The following YLPM1 variants were observed in gnomAD, a reference collection of about 807,000 sequenced individuals.
The protein encoded by YLPM1 is YLP motif containing 1.
In YLPM1, 99 loss-of-function variants were observed where a neutral mutation model predicts 230.0. That is an observed-to-expected ratio of 0.43 (90% CI 0.37 to 0.51). The LOEUF is 0.51. Among genes scored for constraint, YLPM1 ranks in the 20% least tolerant of loss-of-function variants. YLPM1 has a pLI of 0.00. For missense variants in YLPM1, 2,592 were observed against 2,707.7 expected, an observed-to-expected ratio of 0.96 and a Z score of 0.95; for synonymous variants, 984 against 942.5, an observed-to-expected ratio of 1.04 and a Z score of -0.81.
intron 11 of YLPM1, among the ~76,000 whole-genome samples, chr14:74,814,752 T>C (rs973168450): frequency 4.6e-5 from 7 of 152,236 alleles, no homozygotes; most frequent in African/African-American, 1.7e-4. Context: ...TAAAGTAAGT[T>C]AGAAATTATT....
chr14:74,826,086 C>T (rs976674223), intron 18 of YLPM1, among the ~76,000 whole-genome samples: 1 of 152,140 alleles, frequency 6.6e-6, no homozygotes, highest in Admixed American at 6.5e-5. Flanking sequence ...CACTGAAGAT[C>T]TGGTAATAAA....
At chr14:74,811,483 C>CA (rs879185728) in intron 9 of YLPM1, 137 bp from the exon 10 acceptor site, 24,722 of 437,220 alleles carry the variant, frequency 0.057, 3 homozygotes, top group Middle Eastern at 0.074. Context: ...ACCCCAATCT[C>CA]AAAAAAAAAA....
At chr14:74,797,148 A>AT (rs71303895) in intron 4 of YLPM1, among the ~76,000 whole-genome samples, 35,404 of 99,286 alleles carry the variant, frequency 0.36, 6,010 homozygotes, top group Non-Finnish European at 0.45. Context: ...AAATTTTTGT[A>AT]TTTTTTTTTT....
intron 1 of YLPM1, among the ~76,000 whole-genome samples, chr14:74,764,712 C>G (rs892114875): frequency 6.6e-6 from 1 of 152,094 alleles, no homozygotes; most frequent in Non-Finnish European, 1.5e-5. Context: ...GTATTTTAAA[C>G]GAAAGTTTCC....
In YLPM1 at chr14:74,798,937, G is replaced by A; in HGVS notation, c.3640G>A (p.Glu1214Lys). The A allele has an allele frequency of 6.2e-7, 1 of 1,613,846 alleles. No individual in the cohort carries two copies. Among genetic ancestry groups the A allele is most frequent in the East Asian group, 2.2e-5 (1 of 44,868 alleles). ...FPLDGRNAPM[E>K]RERLDDWDRE... ...ATTAGATGGTAGAAATGCTCCAATGGAACGAGAAAGACTCGATGACTGGGA... is the reference window on the plus strand; with the variant it reads ...ATTAGATGGTAGAAATGCTCCAATGAAACGAGAAAGACTCGATGACTGGGA... Residue 1214 changes from glutamate to lysine, a missense_variant, in exon 5 of 21, where the codon GAA becomes AAA. Physicochemically the swap from Glu to Lys is moderately conservative, Grantham distance 56. Around this residue, in one of 4 missense-constraint regions of YLPM1, gnomAD observed 1,862 missense variants for 1,819.8 expected, o/e 1.02. Transcript: ENST00000325680.
intron 4 of YLPM1, among the ~76,000 whole-genome samples, chr14:74,795,478 C>T (rs2140105501): frequency 6.6e-6 from 1 of 152,350 alleles, no homozygotes; most frequent in African/African-American, 2.4e-5. Flanking sequence ...CTGTCTACTA[C>T]TCAGTCACCT....
chr14:74,772,947 G>C (rs1442268791), intron 1 of YLPM1, among the ~76,000 whole-genome samples: 2 of 152,126 alleles, frequency 1.3e-5, no homozygotes, highest in Non-Finnish European at 2.9e-5. Context: ...CCATAGGATT[G>C]AATTAGATCT....
intron 6 of YLPM1, among the ~76,000 whole-genome samples, chr14:74,803,336 T>TATA (rs1214795186): frequency 1.3e-5 from 2 of 152,232 alleles, no homozygotes; most frequent in Admixed American, 1.3e-4. Flanking sequence ...ATTTTACCTT[T>TATA]AAGCCAGTAA....
At chr14:74,812,956 C>T (rs1385175020) in intron 11 of YLPM1, among the ~76,000 whole-genome samples, 174 bp downstream of exon 11, 2 of 152,156 alleles carry the variant, frequency 1.3e-5, no homozygotes, top group East Asian at 3.8e-4. Flanking sequence ...ACTATAGAAT[C>T]TTTAAGAATT....
chr14:74,773,707 C>CTTTT (rs2091002362), intron 1 of YLPM1, among the ~76,000 whole-genome samples: 1 of 69,464 alleles, frequency 1.4e-5, no homozygotes, highest in Non-Finnish European at 2.9e-5. Context: ...GTGCTGTTTT[C>CTTTT]TTTCTTTTTT....
At position 74,807,736 on chromosome 14, in the gene YLPM1, T is replaced by C. The variant is rs150484545; in HGVS notation, c.4522-1644T>C. On this transcript the variant is annotated intron_variant, in intron 6 of 20. Coordinates refer to ENST00000325680, the MANE Select transcript of YLPM1 (RefSeq NM_019589.3). The stretch of plus-strand genomic sequence containing the variant: ...TTATTTTGTTGTTTCATAGTACTCA[T>C]GTTCTCTGTTGGTCTCAGCTTCACC... 7.2e-5 allele frequency among the ~76,000 whole-genome samples: 11 copies of C among 152,334 alleles called. No homozygotes were observed. The East Asian group carries it at 1.7e-3, about 24-fold the overall frequency.
At chr14:74,828,918 G>A (rs946027861) in intron 18 of YLPM1, among the ~76,000 whole-genome samples, 1 of 152,176 alleles carries the variant, frequency 6.6e-6, no homozygotes, top group Non-Finnish European at 1.5e-5. Flanking sequence ...GAGAACTGTG[G>A]TGGGTGGGAG....
chr14:74,786,262 TGAGGCAGGAGAATTGCTTGAACCCGG>T (rs2091149117), intron 4 of YLPM1, among the ~76,000 whole-genome samples: 1 of 149,568 alleles, frequency 6.7e-6, no homozygotes, highest in African/African-American at 2.5e-5. Context: ...CTTGGGAGGC[TGAGGCAGGAGAATTGCTTGAACCCGG>T]GAGGCGGAGG....
chr14:74,819,093 C>T (rs1319593222), intron 16 of YLPM1, among the ~76,000 whole-genome samples: 1 of 152,092 alleles, frequency 6.6e-6, no homozygotes, highest in Non-Finnish European at 1.5e-5. Flanking sequence ...ACCTTTTTCT[C>T]TTTGTGATAA....
intron 1 of YLPM1, among the ~76,000 whole-genome samples, chr14:74,767,393 G>GT (rs889155016): frequency 1.7e-4 from 26 of 152,254 alleles, no homozygotes; most frequent in African/African-American, 6.3e-4. Context: ...CCCAAACAAT[G>GT]TTTTTTTGGT....
chr14:74,767,107 C>G (rs1368838949), intron 1 of YLPM1, among the ~76,000 whole-genome samples: 1 of 152,012 alleles, frequency 6.6e-6, no homozygotes, highest in Non-Finnish European at 1.5e-5. Context: ...TGGTCTTGAA[C>G]TCCTGACCTC....
chr14:74,816,054 A>T lies in YLPM1; in HGVS notation c.5503-149A>T, dbSNP rs2091475333. On this transcript the variant is annotated intron_variant, in intron 11 of 20. Transcript: ENST00000325680. ...GTGGTCCAGTGACATACTTTATATTATTTCTGTCCTTTCAAATTTATGAAG... is the reference window on the plus strand; with the variant it reads ...GTGGTCCAGTGACATACTTTATATTTTTTCTGTCCTTTCAAATTTATGAAG... 3 of 632,498 alleles carry T rather than the reference A, an allele frequency of 4.7e-6. No individual in the cohort carries two copies. In the South Asian group the frequency reaches 7.9e-5, roughly 17 times the overall value. 39.2% of individuals were successfully genotyped at this position (632,498 alleles called of 1,614,324 possible). A position where few individuals can be genotyped will look rare whatever the true frequency, so the allele number is the denominator to read the frequency against.
intron 18 of YLPM1, chr14:74,827,547 G>A (rs2091574809): frequency 3.0e-6 from 3 of 985,332 alleles, no homozygotes; most frequent in Admixed American, 6.2e-5. Context: ...CCCAGTGTAT[G>A]AGGAAAAGTT....
At chr14:74,780,380 A>G in intron 2 of YLPM1, 25 bp from the exon 3 acceptor site, 1 of 1,583,286 alleles carries the variant, frequency 6.3e-7, no homozygotes, top group South Asian at 1.2e-5. Flanking sequence ...GACTTACATA[A>G]AGATGTGTCC....
Sources: gnomAD v4.1 joint callset for allele counts (sites outside exome capture counted in the v4.1 genomes callset) on GRCh38, gnomAD v4.1.1 for gene constraint, gnomAD v4.1.1 regional missense constraint, MANE v1.5 for transcripts, NCBI Gene and HGNC (gene_info 2026-07-23, HGNC 2026-07-21) for gene names.